Variants in GLIPR1L2 observed in about 807,000 individuals in gnomAD.
GLIPR1L2 encodes GLIPR1 like 2, also known as GLIPR1-like protein 2.
A neutral mutation model predicts 28.4 loss-of-function variants in GLIPR1L2; 21 were observed. That is an observed-to-expected ratio of 0.74 (90% CI 0.52 to 1.06). GLIPR1L2 has a LOEUF of 1.06. Ranked by LOEUF, GLIPR1L2 falls within the 50% of genes least tolerant of loss-of-function variation. The pLI is 0.00. For synonymous variants in GLIPR1L2, 145 were observed against 139.3 expected (o/e 1.04, Z -0.29); for missense variants, 476 against 416.9 (o/e 1.14, Z -1.23).
chr12:75,397,303 T>A (rs2139918909), intron 1 of GLIPR1L2, among the ~76,000 whole-genome samples: 1 of 152,198 alleles, frequency 6.6e-6, no homozygotes, highest in East Asian at 1.9e-4. Context: ...CTGTTTTCTC[T>A]TATGATTTCT....
chr12:75,423,147 T>C (rs1017223788), intron 4 of GLIPR1L2, 158 bp downstream of exon 4: 1 of 1,499,836 alleles, frequency 6.7e-7, no homozygotes, highest in Non-Finnish European at 8.8e-7. Context: ...GTATCATCTT[T>C]AGATTTTTCT....
intron 1 of GLIPR1L2, among the ~76,000 whole-genome samples, chr12:75,404,899 G>T (rs1041557881): frequency 2.0e-5 from 3 of 152,066 alleles, no homozygotes; most frequent in Non-Finnish European, 4.4e-5. Context: ...GATATTCATT[G>T]ATAATTTCTA....
chr12:75,430,666 C>T, intron 4 of GLIPR1L2, 49 bp from the exon 5 acceptor site: 1 of 1,480,446 alleles, frequency 6.8e-7, no homozygotes, highest in South Asian at 1.3e-5. Context: ...ATTTTTTAGA[C>T]AAAGAAGAAA....
At chr12:75,394,938 A>G (rs1467224435) in intron 1 of GLIPR1L2, among the ~76,000 whole-genome samples, 2 of 151,788 alleles carry the variant, frequency 1.3e-5, no homozygotes, top group Non-Finnish European at 2.9e-5. Context: ...TTTTATTTTC[A>G]GTATATATGT....
At chr12:75,398,014 G>A (rs1182558948) in intron 1 of GLIPR1L2, among the ~76,000 whole-genome samples, 1 of 147,284 alleles carries the variant, frequency 6.8e-6, no homozygotes, top group Non-Finnish European at 1.5e-5. Context: ...CTTCCTTTGA[G>A]CTCAGCTGTG....
Position 75,391,278 on chromosome 12 carries a change from C to A in GLIPR1L2, c.162C>A (p.Ile54=), listed in dbSNP as rs34416945. 1,321 of 1,614,206 alleles carry A rather than the reference C, an allele frequency of 8.2e-4. 14 individuals are homozygous for A. In the African/African-American group the frequency reaches 0.016, roughly 19 times the overall value. The change falls in exon 1 of 6, where the codon ATC becomes ATA. Residue 54 remains isoleucine (I), a synonymous_variant. Coordinates refer to ENST00000550916, the MANE Select transcript of GLIPR1L2 (RefSeq NM_001270396.2). The part of the protein sequence containing the change: ...FLPDEEDVDF[I]NEYVNLHNEL... The stretch of plus-strand genomic sequence containing the variant: ...CAGACGAGGAGGACGTAGACTTTAT[C>A]AACGAGTACGTGAACCTCCACAATG...
At chr12:75,426,698 AG>A (rs1158320685) in intron 4 of GLIPR1L2, among the ~76,000 whole-genome samples, 1 of 152,218 alleles carries the variant, frequency 6.6e-6, no homozygotes, top group Non-Finnish European at 1.5e-5. Context: ...TCCCACGTAA[AG>A]GGGGAAAATT....
In GLIPR1L2 at chr12:75,391,101, C is replaced by G. The variant is rs951165297; in HGVS notation, c.-16C>G. The G allele has an allele frequency of 6.3e-7, 1 of 1,589,422 alleles. No individual in the cohort carries two copies. Among genetic ancestry groups the G allele is most frequent in the Non-Finnish European group, 8.6e-7 (1 of 1,159,790 alleles). On this transcript the variant is annotated 5_prime_UTR_variant, in exon 1 of 6. Coordinates refer to ENST00000550916, the MANE Select transcript of GLIPR1L2 (RefSeq NM_001270396.2). Reference sequence around the variant, plus strand: ...GGCCAGCGCGTGCGCACTGGCCTGTCAGCGGCCGGTGGACCATGGAGGCCG... The same window carrying G: ...GGCCAGCGCGTGCGCACTGGCCTGTGAGCGGCCGGTGGACCATGGAGGCCG...
chr12:75,391,877 A>ATT lies in GLIPR1L2; in HGVS notation c.234+538_234+539dup, dbSNP rs5799223. On this transcript the variant is annotated intron_variant, in intron 1 of 5. Coordinates refer to ENST00000550916, the MANE Select transcript of GLIPR1L2 (RefSeq NM_001270396.2). ...CCTTTTAAAAATGTTTGTTATCTTG[A>ATT]TTTTTTTTTTTTGTGCCCATTCCAA... 3.2e-3 allele frequency among the ~76,000 whole-genome samples: 466 copies of ATT among 147,438 alleles called. 1 individual carries two copies. Among genetic ancestry groups the ATT allele is most frequent in the African/African-American group, 6.0e-3 (240 of 40,160 alleles).
rs753117704 is a variant in GLIPR1L2 at position 75,431,106 on chromosome 12, G to A, written c.980G>A (p.Arg327Lys). The A allele has an allele frequency of 2.8e-6, 3 of 1,086,428 alleles. No homozygotes were observed. The South Asian group carries it at 4.0e-5, about 15-fold the overall frequency. 67.3% of individuals were successfully genotyped at this position (1,086,428 alleles called of 1,614,324 possible). A position where few individuals can be genotyped will look rare whatever the true frequency, so the allele number is the denominator to read the frequency against. ...GAAATGGAGGAGGAAAAAGAAGAGA[G>A]AGAGGAGGAGGAGGAGGAAACACAA... ...IMEMEEEKEE[R>K]EEEEEETQKE... Residue 327 changes from arginine (R) to lysine (K), a missense_variant, in exon 6 of 6, where the codon AGA becomes AAA. Transcript: ENST00000550916.
chr12:75,395,125 T>G (rs2045669678), intron 1 of GLIPR1L2, among the ~76,000 whole-genome samples: 1 of 152,074 alleles, frequency 6.6e-6, no homozygotes, highest in Non-Finnish European at 1.5e-5. Flanking sequence ...TGAATTTATT[T>G]ATTGGTTCTA....
chr12:75,430,835 T>G lies in GLIPR1L2; in HGVS notation c.709T>G (p.Trp237Gly), dbSNP rs564751868. ...DRDQATYYRF[W>G]YPKWEMPRPV... ...TTCTTTGTTTACAGATTACCGATTT[T>G]GGTATCCAAAATGGGAAATGCCCCG... Residue 237 changes from tryptophan (W) to glycine (G), a missense_variant, in exon 6 of 6, where the codon TGG becomes GGG. Coordinates refer to ENST00000550916, the MANE Select transcript of GLIPR1L2 (RefSeq NM_001270396.2). 48 of 1,533,460 alleles carry G rather than the reference T, an allele frequency of 3.1e-5. No individual in the cohort carries two copies. In the Admixed American group the frequency reaches 3.4e-4, roughly 11 times the overall value. 95.0% of individuals were successfully genotyped at this position (1,533,460 alleles called of 1,614,324 possible).
At position 75,431,140 on chromosome 12, in the gene GLIPR1L2, G is replaced by C; in HGVS notation, c.1014G>C (p.Lys338Asn). 2 of 814,406 alleles carry C rather than the reference G, an allele frequency of 2.5e-6. No individual in the cohort carries two copies. The highest frequency in any genetic ancestry group is 4.0e-6 in the Non-Finnish European group (2 of 503,486). The allele number at this position is 814,406 out of a possible 1,614,324, so 50.4% of individuals were successfully genotyped here. ...AGGAGGAGGAAACACAAAAAGAAAA[G>C]ATGGAGGAAGAGGAAAAATAAGAGT... Reference protein sequence around the residue: ...EEEEEETQKEKMEEEEK With the variant: ...EEEEEETQKENMEEEEK Residue 338 changes from lysine to asparagine, a missense_variant, in exon 6 of 6, where the codon AAG (lysine) becomes AAC (asparagine). By Grantham distance (94) the Lys-to-Asn change is moderately conservative (BLOSUM62 0). Coordinates refer to ENST00000550916, the MANE Select transcript of GLIPR1L2 (RefSeq NM_001270396.2).
At chr12:75,399,694 C>A (rs1478272117) in intron 1 of GLIPR1L2, among the ~76,000 whole-genome samples, 1 of 152,090 alleles carries the variant, frequency 6.6e-6, no homozygotes, top group African/African-American at 2.4e-5. Flanking sequence ...TTTAAATCTA[C>A]ATATGTATTT....
chr12:75,416,707 A>G (rs1311558990), intron 3 of GLIPR1L2, among the ~76,000 whole-genome samples: 1 of 152,142 alleles, frequency 6.6e-6, no homozygotes, highest in Non-Finnish European at 1.5e-5. Context: ...TCAGATGACT[A>G]CAGTGATAAG....
chr12:75,430,396 C>T (rs989440072), intron 4 of GLIPR1L2, among the ~76,000 whole-genome samples: 1 of 152,042 alleles, frequency 6.6e-6, no homozygotes. Context: ...ATTGTAGAAT[C>T]CTAGAATGTT....
chr12:75,430,701 C>A lies in GLIPR1L2; in HGVS notation c.671-14C>A. 1 of 1,526,938 alleles carries A rather than the reference C, an allele frequency of 6.5e-7. No individual in the cohort carries two copies. The highest frequency in any genetic ancestry group is 1.4e-5 in the African/African-American group (1 of 72,524). The allele number at this position is 1,526,938 out of a possible 1,614,324, so 94.6% of individuals were successfully genotyped here. ...ATTTTATGTAATTTTTGTGGACTTT[C>A]TTTTTCTTTCTAGGTAATGCAGATC... On this transcript the variant is annotated splice_polypyrimidine_tract_variant and intron_variant, in intron 4 of 5. Transcript: ENST00000550916.
chr12:75,422,974 A>G lies in GLIPR1L2; in HGVS notation c.655A>G (p.Thr219Ala), dbSNP rs1566077328. The stretch of plus-strand genomic sequence containing the variant: ...TCGATGTGGCAGACGTGACAAATGC[A>G]CAGATTTTCTATGCAGTAAGATAAA... ...CTRCGRRDKC[T>A]DFLCSNADRD... Residue 219 changes from threonine (T) to alanine (A), a missense_variant, in exon 4 of 6, where the codon ACA (threonine) becomes GCA (alanine). Thr to Ala is a moderately conservative substitution (Grantham distance 58). Transcript: ENST00000550916. 6.2e-7 allele frequency: 1 copy of G among 1,613,122 alleles called. No homozygotes were observed. The highest frequency in any genetic ancestry group is 1.7e-5 in the Admixed American group (1 of 59,916).
At chr12:75,410,109 G>T (rs922617656) in intron 1 of GLIPR1L2, among the ~76,000 whole-genome samples, 2 of 151,622 alleles carry the variant, frequency 1.3e-5, no homozygotes, top group Admixed American at 1.3e-4. Context: ...AAAGGCATGA[G>T]TTTAAAAATA....
Sources: allele counts gnomAD v4.1 joint callset (sites outside exome capture counted in the v4.1 genomes callset), GRCh38; gene constraint gnomAD v4.1.1; transcripts MANE v1.5; gene names NCBI Gene and HGNC (gene_info 2026-07-23, HGNC 2026-07-21).